STK3: variants seen among roughly 807,000 people sequenced by gnomAD.
The protein encoded by STK3 is serine/threonine kinase 3.
A neutral mutation model predicts 58.0 loss-of-function variants in STK3; 41 were observed. That is an observed-to-expected ratio of 0.71 (90% CI 0.55 to 0.92). The LOEUF is 0.92. Among genes scored for constraint, STK3 ranks in the 40% least tolerant of loss-of-function variants. The probability of loss-of-function intolerance (pLI) is 0.00; values close to 1 mark genes in which losing one functional copy is unlikely to be tolerated. For missense variants in STK3, 479 were observed against 602.7 expected (o/e 0.79, Z 2.15); for synonymous variants, 170 against 191.0 (o/e 0.89, Z 0.91).
intron 10 of STK3, among the ~76,000 whole-genome samples, chr8:98,498,160 T>C (rs1359088922): frequency 2.0e-5 from 3 of 152,054 alleles, no homozygotes; most frequent in Non-Finnish European, 4.4e-5. Flanking sequence ...AAAGCTATTA[T>C]GAATAATGCT....
At chr8:98,643,190 C>T (rs1298877313) in intron 6 of STK3, among the ~76,000 whole-genome samples, 1 of 152,200 alleles carries the variant, frequency 6.6e-6, no homozygotes, top group African/African-American at 2.4e-5. Flanking sequence ...TTGCTCTCCA[C>T]TGCCCTCCAG....
At chr8:98,365,363 A>G in the STK3 span, among the ~76,000 whole-genome samples, 2 of 152,248 alleles carry the variant, frequency 1.3e-5, no homozygotes, top group Non-Finnish European at 2.9e-5. Flanking sequence ...CTACAAGAAC[A>G]GCAAGAAGTT....
chr8:98,412,566 G>T (rs1412245045), intron 3 of STK3, among the ~76,000 whole-genome samples: 1 of 152,172 alleles, frequency 6.6e-6, no homozygotes, highest in Admixed American at 6.5e-5. Flanking sequence ...AGCTACAGCA[G>T]GGCAACAATG....
chr8:98,523,621 C>A (rs897563493), intron 10 of STK3, among the ~76,000 whole-genome samples: 2 of 151,900 alleles, frequency 1.3e-5, no homozygotes, highest in African/African-American at 4.8e-5. Context: ...GTGATCCACC[C>A]GCCTCAGCCT....
At chr8:98,908,661 G>A (rs1349727701) in intron 1 of STK3, among the ~76,000 whole-genome samples, 6 of 151,952 alleles carry the variant, frequency 3.9e-5, no homozygotes, top group Non-Finnish European at 7.4e-5. Flanking sequence ...TGGCCAACAT[G>A]GTGAAACCCT....
intron 10 of STK3, among the ~76,000 whole-genome samples, chr8:98,470,544 T>C (rs920131432): frequency 3.3e-5 from 5 of 152,220 alleles, no homozygotes; most frequent in Admixed American, 3.3e-4. Context: ...GTCAGAATAG[T>C]CAGCTGTGCT....
the STK3 span, among the ~76,000 whole-genome samples, chr8:98,347,851 G>C: frequency 6.6e-6 from 1 of 152,100 alleles, no homozygotes; most frequent in Admixed American, 6.5e-5. Flanking sequence ...TTGTTGTAAA[G>C]ATTCATCACA....
intron 1 of STK3, among the ~76,000 whole-genome samples, chr8:98,448,732 C>T (rs1402637848): frequency 1.3e-5 from 2 of 152,170 alleles, no homozygotes; most frequent in Non-Finnish European, 2.9e-5. Flanking sequence ...ATTCTTAGTG[C>T]TCTCTCATAA....
At chr8:98,349,555 C>A in the STK3 span, among the ~76,000 whole-genome samples, 1 of 152,326 alleles carries the variant, frequency 6.6e-6, no homozygotes, top group African/African-American at 2.4e-5. Context: ...CTATGGGGGA[C>A]CCACTCCACA....
chr8:98,791,037 T>C (rs1438201342), intron 1 of STK3, among the ~76,000 whole-genome samples: 1 of 151,114 alleles, frequency 6.6e-6, no homozygotes, highest in Non-Finnish European at 1.5e-5. Flanking sequence ...GCTGTTGCTG[T>C]TTGCTGATGA....
chr8:98,360,802 A>G, the STK3 span, among the ~76,000 whole-genome samples: 1 of 152,226 alleles, frequency 6.6e-6, no homozygotes. Context: ...TTGGCATGCC[A>G]GTGATTAGAT....
At chr8:98,368,163 T>C (rs950860899), downstream of STK3, among the ~76,000 whole-genome samples, 8 of 152,116 alleles carry the variant, frequency 5.3e-5, no homozygotes, top group African/African-American at 1.9e-4. Flanking sequence ...ATGTTGAATT[T>C]TAAAAGAGGT....
At chr8:98,607,796 T>C (rs535978716) in intron 6 of STK3, among the ~76,000 whole-genome samples, 3 of 152,316 alleles carry the variant, frequency 2.0e-5, no homozygotes, top group South Asian at 2.1e-4. Flanking sequence ...TATGACATCA[T>C]GGAAACACAG....
intron 10 of STK3, among the ~76,000 whole-genome samples, chr8:98,477,235 A>G (rs546086133): frequency 4.7e-4 from 72 of 152,272 alleles, no homozygotes; most frequent in African/African-American, 1.7e-3. Context: ...TAAGTTTTCA[A>G]TTCTAACTGC....
At chr8:98,486,837 T>C (rs1822305587) in intron 10 of STK3, among the ~76,000 whole-genome samples, 1 of 152,214 alleles carries the variant, frequency 6.6e-6, no homozygotes, top group Admixed American at 6.5e-5. Context: ...GTAGATTTTT[T>C]TCAGTAGGTG....
At chr8:98,350,174 A>G in the STK3 span, among the ~76,000 whole-genome samples, 2 of 152,150 alleles carry the variant, frequency 1.3e-5, no homozygotes, top group African/African-American at 4.8e-5. Flanking sequence ...CTTCTGCCAG[A>G]TACCCTAAAT....
chr8:98,492,013 T>C (rs1180022840), intron 10 of STK3, among the ~76,000 whole-genome samples: 2 of 152,084 alleles, frequency 1.3e-5, no homozygotes, highest in Non-Finnish European at 2.9e-5. Context: ...GAACTACTAA[T>C]AAAAGGAATG....
chr8:98,350,130 G>C, the STK3 span, among the ~76,000 whole-genome samples: 1 of 152,126 alleles, frequency 6.6e-6, no homozygotes, highest in Non-Finnish European at 1.5e-5. Flanking sequence ...CAGCACCCAA[G>C]TCACCTCTTG....
intron 3 of STK3, among the ~76,000 whole-genome samples, chr8:98,832,964 T>C (rs1835595602): frequency 6.6e-6 from 1 of 152,226 alleles, no homozygotes; most frequent in Admixed American, 6.5e-5. Context: ...ACATGTCCTA[T>C]TGGCTAGAAA....
Sources: gnomAD v4.1 joint callset for allele counts (sites outside exome capture counted in the v4.1 genomes callset) on GRCh38, gnomAD v4.1.1 for gene constraint, MANE v1.5 for transcripts, NCBI Gene and HGNC (gene_info 2026-07-23, HGNC 2026-07-21) for gene names.